The following GRM1 variants were observed in gnomAD, a reference collection of about 807,000 sequenced individuals.
GRM1 encodes the protein glutamate metabotropic receptor 1.
GRM1 carries 33 observed loss-of-function variants against 90.9 expected under a neutral mutation model. That is an observed-to-expected ratio of 0.36 (90% CI 0.28 to 0.49). The LOEUF (loss-of-function observed/expected upper bound fraction) is 0.49. Among genes scored for constraint, GRM1 ranks in the 20% least tolerant of loss-of-function variants. GRM1 has a pLI of 0.99. For missense variants in GRM1, 1,190 were observed against 1,534.3 expected (o/e 0.78, Z 3.75); for synonymous variants, 700 against 613.2 (o/e 1.14, Z -2.09).
At chr6:146,388,427 G>A (rs1011234287) in intron 6 of GRM1, among the ~76,000 whole-genome samples, 2 of 151,938 alleles carry the variant, frequency 1.3e-5, no homozygotes, top group African/African-American at 4.8e-5. Context: ...AAATCATGCA[G>A]TTTATTCAGA....
At chr6:146,416,351 C>T (rs1481545186) in intron 7 of GRM1, among the ~76,000 whole-genome samples, 1 of 151,512 alleles carries the variant, frequency 6.6e-6, no homozygotes, top group Non-Finnish European at 1.5e-5. Context: ...TTTTAATATT[C>T]AACTTTCTCC....
intron 3 of GRM1, among the ~76,000 whole-genome samples, chr6:146,332,927 T>C (rs891411969): frequency 2.6e-5 from 4 of 152,222 alleles, no homozygotes; most frequent in Non-Finnish European, 4.4e-5. Context: ...TATACACTTA[T>C]TCGTTATCAT....
At chr6:146,134,774 C>A (rs1021460830) in intron 1 of GRM1, among the ~76,000 whole-genome samples, 4 of 152,012 alleles carry the variant, frequency 2.6e-5, no homozygotes, top group African/African-American at 9.7e-5. Flanking sequence ...ACTAAAAATA[C>A]AAAAAATGTA....
chr6:146,402,966 T>C (rs936206662), intron 7 of GRM1, among the ~76,000 whole-genome samples: 1 of 152,138 alleles, frequency 6.6e-6, no homozygotes, highest in South Asian at 2.1e-4. Context: ...GGCATACTTG[T>C]ATCCTGGGAG....
intron 1 of GRM1, among the ~76,000 whole-genome samples, chr6:146,053,939 T>G (rs910704916): frequency 1.4e-4 from 21 of 152,126 alleles, no homozygotes; most frequent in African/African-American, 4.6e-4. Flanking sequence ...CCTCTACTTT[T>G]TGCTTAGCTA....
At chr6:146,226,929 T>C (rs570485487) in intron 2 of GRM1, among the ~76,000 whole-genome samples, 4 of 152,168 alleles carry the variant, frequency 2.6e-5, no homozygotes, top group Admixed American at 6.5e-5. Flanking sequence ...GAGACAAAGT[T>C]TACCCTCAGT....
Position 146,433,976 on chromosome 6 carries a change from C to A in GRM1, c.2765C>A (p.Thr922Lys). 1 of 1,613,896 alleles carries A rather than the reference C, an allele frequency of 6.2e-7. No homozygotes were observed. The highest frequency in any genetic ancestry group is 8.5e-7 in the Non-Finnish European group (1 of 1,179,790). ...RLSVHVKTNE[T>K]ACNQTAVIKP... ...TCTGTGCACGTGAAGACCAATGAGA[C>A]GGCCTGCAACCAAACAGCCGTCATC... The change falls in exon 8 of 8, where the codon ACG (threonine) becomes AAG (lysine). Residue 922 changes from threonine (T) to lysine (K), a missense_variant. Physicochemically the swap from Thr to Lys is moderately conservative, Grantham distance 78. Coordinates refer to ENST00000282753, the MANE Select transcript of GRM1 (RefSeq NM_001278064.2).
chr6:146,201,434 G>A (rs377519158), intron 2 of GRM1, among the ~76,000 whole-genome samples: 339 of 152,308 alleles, frequency 2.2e-3, no homozygotes, highest in African/African-American at 7.2e-3. Context: ...AGTCTGAGAA[G>A]TCCAGGATTA....
intron 2 of GRM1, among the ~76,000 whole-genome samples, chr6:146,283,889 G>A (rs1319387511): frequency 2.6e-5 from 4 of 152,222 alleles, no homozygotes; most frequent in African/African-American, 7.2e-5. Flanking sequence ...TATAACTCAC[G>A]TATGATAGAT....
chr6:146,220,938 G>A (rs1780038399), intron 2 of GRM1, among the ~76,000 whole-genome samples: 1 of 151,992 alleles, frequency 6.6e-6, no homozygotes, highest in African/African-American at 2.4e-5. Flanking sequence ...GCATAGGGTG[G>A]GTGACAAGAT....
At chr6:146,272,170 T>G (rs1355095030) in intron 2 of GRM1, among the ~76,000 whole-genome samples, 1 of 152,202 alleles carries the variant, frequency 6.6e-6, no homozygotes, top group Non-Finnish European at 1.5e-5. Context: ...TAGAAAAGAT[T>G]TAAGAAAGCC....
At chr6:146,403,659 A>T (rs886977996) in intron 7 of GRM1, among the ~76,000 whole-genome samples, 1 of 152,096 alleles carries the variant, frequency 6.6e-6, no homozygotes, top group Non-Finnish European at 1.5e-5. Flanking sequence ...AGCATTAGTC[A>T]TTATGTCCTG....
At chr6:146,395,542 C>A (rs1310428511) in intron 6 of GRM1, among the ~76,000 whole-genome samples, 1 of 152,032 alleles carries the variant, frequency 6.6e-6, no homozygotes, top group Non-Finnish European at 1.5e-5. Flanking sequence ...ACATTTTTCT[C>A]CATCAAAGGC....
In GRM1 at chr6:146,383,992, C is replaced by T. The variant is rs1776408515; in HGVS notation, c.1603-2898C>T. On this transcript the variant is annotated intron_variant, in intron 5 of 7. Coordinates refer to ENST00000282753, the MANE Select transcript of GRM1 (RefSeq NM_001278064.2). ...TGAAGGGAAACAAACAAGGTGAACCCTAAAATCACTCAGGCTTTCTGCCTG... is the reference window on the plus strand; with the variant it reads ...TGAAGGGAAACAAACAAGGTGAACCTTAAAATCACTCAGGCTTTCTGCCTG... 2.0e-5 allele frequency among the ~76,000 whole-genome samples: 3 copies of T among 151,998 alleles called. No individual in the cohort carries two copies. The South Asian group carries it at 6.2e-4, about 31-fold the overall frequency.
intron 2 of GRM1, among the ~76,000 whole-genome samples, chr6:146,175,727 A>G (rs911717097): frequency 2.6e-5 from 4 of 152,216 alleles, no homozygotes; most frequent in African/African-American, 2.4e-5. Flanking sequence ...TCAGGTCTTC[A>G]TGCACAATTC....
chr6:146,376,548 A>AT (rs2115108781), intron 5 of GRM1, among the ~76,000 whole-genome samples: 1 of 152,038 alleles, frequency 6.6e-6, no homozygotes, highest in Admixed American at 6.6e-5. Context: ...TTCATCAAAT[A>AT]TACTATTCTA....
chr6:146,251,509 AGAAGT>A (rs1379700718), intron 2 of GRM1, among the ~76,000 whole-genome samples: 1 of 152,240 alleles, frequency 6.6e-6, no homozygotes, highest in Non-Finnish European at 1.5e-5. Context: ...TTTAAATATT[AGAAGT>A]GAGGGGCAGC....
At chr6:146,309,121 G>A (rs933588827) in intron 3 of GRM1, among the ~76,000 whole-genome samples, 2 of 152,068 alleles carry the variant, frequency 1.3e-5, no homozygotes, top group African/African-American at 4.8e-5. Flanking sequence ...ATTTCTGGCT[G>A]GGCATGGTGG....
intron 1 of GRM1, among the ~76,000 whole-genome samples, chr6:146,136,477 TG>T (rs1776624596): frequency 6.6e-6 from 1 of 152,194 alleles, no homozygotes; most frequent in Admixed American, 6.5e-5. Context: ...CCATTTTAAC[TG>T]GGGTGAGATC....
Sources: gnomAD v4.1 joint callset for allele counts (sites outside exome capture counted in the v4.1 genomes callset) on GRCh38, gnomAD v4.1.1 for gene constraint, MANE v1.5 for transcripts, NCBI Gene and HGNC (gene_info 2026-07-23, HGNC 2026-07-21) for gene names.